FBXL2: variants seen among roughly 807,000 people sequenced by gnomAD.
FBXL2 encodes the protein F-box and leucine rich repeat protein 2, also known as F-box/LRR-repeat protein 2.
A neutral mutation model predicts 69.2 loss-of-function variants in FBXL2; 38 were observed. The ratio of observed to expected loss-of-function variants is 0.55; its 90% CI spans 0.42 to 0.72. The LOEUF is 0.72. Among genes scored for constraint, FBXL2 ranks in the 30% least tolerant of loss-of-function variants. FBXL2 has a pLI of 0.00. For missense variants in FBXL2, 354 were observed against 520.3 expected, an observed-to-expected ratio of 0.68 and a Z score of 3.11; for synonymous variants, 192 against 201.3, an observed-to-expected ratio of 0.95 and a Z score of 0.39.
Position 33,375,273 on chromosome 3 carries a change from G to T in FBXL2, c.658-15G>T. 6.2e-7 allele frequency: 1 copy of T among 1,607,300 alleles called. No individual in the cohort carries two copies. Among genetic ancestry groups the T allele is most frequent in the South Asian group, 1.1e-5 (1 of 90,912 alleles). On this transcript the variant is annotated splice_polypyrimidine_tract_variant and intron_variant, in intron 9 of 14. Transcript: ENST00000484457. ...GGTGTCCTCTGACTTTTCTTTCTGTGCTGCTTTTCCTCAGCGTATCACGGA... is the reference window on the plus strand; with the variant it reads ...GGTGTCCTCTGACTTTTCTTTCTGTTCTGCTTTTCCTCAGCGTATCACGGA...
At chr3:33,374,241 T>C (rs2042489457) in intron 9 of FBXL2, among the ~76,000 whole-genome samples, 1 of 152,242 alleles carries the variant, frequency 6.6e-6, no homozygotes, top group African/African-American at 2.4e-5. Flanking sequence ...TTTTAAGACA[T>C]GAAGTGTCTT....
chr3:33,277,180 T>A (rs1465500558), upstream of FBXL2: 2 of 285,270 alleles, frequency 7.0e-6, no homozygotes, highest in Non-Finnish European at 1.2e-5. Context: ...GTATAACGTT[T>A]TTTTTAAAAA....
At chr3:33,412,038 T>C in the FBXL2 span, among the ~76,000 whole-genome samples, 1 of 151,958 alleles carries the variant, frequency 6.6e-6, no homozygotes, top group East Asian at 1.9e-4. Context: ...AATACAAAAA[T>C]TAGCCAGACG....
At chr3:33,282,283 G>A (rs1310383526) in intron 1 of FBXL2, among the ~76,000 whole-genome samples, 3 of 152,118 alleles carry the variant, frequency 2.0e-5, no homozygotes, top group Non-Finnish European at 2.9e-5. Context: ...AGTTTTCCCA[G>A]CACCATTTAT....
At chr3:33,354,785 A>G (rs943254337) in intron 2 of FBXL2, among the ~76,000 whole-genome samples, 4 of 152,232 alleles carry the variant, frequency 2.6e-5, no homozygotes, top group Admixed American at 6.5e-5. Context: ...AATAGAAAGT[A>G]TAATTATTGG....
chr3:33,410,916 T>C, the FBXL2 span, among the ~76,000 whole-genome samples: 1 of 151,800 alleles, frequency 6.6e-6, no homozygotes, highest in Admixed American at 6.6e-5. Context: ...CTACTAAAAA[T>C]ACAAAAATCA....
chr3:33,307,497 A>G (rs2036823540), intron 2 of FBXL2, among the ~76,000 whole-genome samples: 1 of 152,142 alleles, frequency 6.6e-6, no homozygotes, highest in Non-Finnish European at 1.5e-5. Context: ...AGGACCATTA[A>G]TGGGACAGTT....
chr3:33,285,764 G>T (rs2034542678), intron 1 of FBXL2, among the ~76,000 whole-genome samples: 1 of 151,956 alleles, frequency 6.6e-6, no homozygotes, highest in African/African-American at 2.4e-5. Flanking sequence ...CTAAACTTCT[G>T]TTCTCACTTC....
chr3:33,411,944 T>C, the FBXL2 span, among the ~76,000 whole-genome samples: 1 of 152,094 alleles, frequency 6.6e-6, no homozygotes, highest in Non-Finnish European at 1.5e-5. Context: ...CCCAGCACTT[T>C]GGGAGGCCAA....
chr3:33,342,154 G>A (rs970751040), intron 2 of FBXL2, among the ~76,000 whole-genome samples: 24 of 151,106 alleles, frequency 1.6e-4, no homozygotes, highest in Non-Finnish European at 2.8e-4. Context: ...ACAGGTGCCT[G>A]ATACTACGCC....
rs555671591 is a variant in FBXL2, at chr3:33,354,371, G to A, written c.66-4596G>A. On this transcript the variant is annotated intron_variant, in intron 2 of 14. Coordinates refer to ENST00000484457, the MANE Select transcript of FBXL2 (RefSeq NM_012157.5). Reference sequence around the variant, plus strand: ...TCTACTAAAAATACAAAAATTGGCCGGGTGTGGTGGTGGGCGCCTGTAATC... The same window carrying A: ...TCTACTAAAAATACAAAAATTGGCCAGGTGTGGTGGTGGGCGCCTGTAATC... Among the ~76,000 whole-genome samples the A allele has an allele frequency of 1.0e-4, 15 of 149,274 alleles. No homozygotes were observed. The East Asian group carries it at 1.4e-3, about 13-fold the overall frequency.
chr3:33,366,316 G>A (rs1487537767), intron 5 of FBXL2, among the ~76,000 whole-genome samples: 1 of 152,160 alleles, frequency 6.6e-6, no homozygotes, highest in African/African-American at 2.4e-5. Context: ...TTTGTCTGGT[G>A]TAGGTATCAA....
At chr3:33,420,531 C>G in the FBXL2 span, among the ~76,000 whole-genome samples, 2 of 142,840 alleles carry the variant, frequency 1.4e-5, no homozygotes, top group African/African-American at 5.3e-5. Flanking sequence ...ACACTGCCAT[C>G]AGGCTGGAGT....
At chr3:33,284,289 G>A (rs2034362522) in intron 1 of FBXL2, among the ~76,000 whole-genome samples, 1 of 152,166 alleles carries the variant, frequency 6.6e-6, no homozygotes, top group African/African-American at 2.4e-5. Context: ...CTTTATTTCT[G>A]CCTTCATTTC....
the FBXL2 span, chr3:33,411,753 C>T: frequency 1.6e-6 from 2 of 1,263,514 alleles, no homozygotes; most frequent in Non-Finnish European, 2.3e-6. Flanking sequence ...TTACAACTTA[C>T]TATATTATGT....
intron 12 of FBXL2, among the ~76,000 whole-genome samples, chr3:33,399,154 A>C (rs1472528421): frequency 1.3e-5 from 2 of 152,262 alleles, no homozygotes; most frequent in African/African-American, 2.4e-5. Flanking sequence ...ACTGCACTGC[A>C]GGTGAAGGAA....
At chr3:33,295,099 A>G (rs192744813) in intron 1 of FBXL2, among the ~76,000 whole-genome samples, 88 of 152,250 alleles carry the variant, frequency 5.8e-4, no homozygotes, top group Admixed American at 1.2e-3. Flanking sequence ...CCAGGTTTTA[A>G]AAATTGAGAT....
At chr3:33,363,638 G>A (rs1189432232) in intron 4 of FBXL2, among the ~76,000 whole-genome samples, 1 of 152,140 alleles carries the variant, frequency 6.6e-6, no homozygotes, top group Non-Finnish European at 1.5e-5. Flanking sequence ...CTTGGATTGG[G>A]TTGTTGTAGT....
chr3:33,422,457 C>T, the FBXL2 span, among the ~76,000 whole-genome samples: 2 of 152,050 alleles, frequency 1.3e-5, no homozygotes, highest in African/African-American at 4.8e-5. Context: ...TGGTTCACGC[C>T]TATAATCCCA....
Sources: allele counts gnomAD v4.1 joint callset (sites outside exome capture counted in the v4.1 genomes callset), GRCh38; gene constraint gnomAD v4.1.1; transcripts MANE v1.5; gene names NCBI Gene and HGNC (gene_info 2026-07-23, HGNC 2026-07-21).